The following BCAS3 variants were observed in gnomAD, a reference collection of about 807,000 sequenced individuals.
BCAS3 encodes the protein BCAS3 microtubule associated cell migration factor.
BCAS3 carries 53 observed loss-of-function variants against 116.1 expected under a neutral mutation model. The ratio of observed to expected loss-of-function variants is 0.46; its 90% CI spans 0.37 to 0.57. The LOEUF is 0.57. BCAS3 is among the 20% of genes least tolerant of loss of function. BCAS3 has a pLI of 0.00. For missense variants in BCAS3, 917 were observed against 1,165.4 expected (o/e 0.79, Z 3.10); for synonymous variants, 391 against 408.2 (o/e 0.96, Z 0.51).
Position 61,229,197 on chromosome 17 carries a change from G to A in BCAS3, c.2426-139130G>A, listed in dbSNP as rs1467059914. Among the ~76,000 whole-genome samples, 1 of 152,198 alleles carries A rather than the reference G, an allele frequency of 6.6e-6. No individual in the cohort carries two copies. Among genetic ancestry groups the A allele is most frequent in the Admixed American group, 6.5e-5 (1 of 15,276 alleles). ...CCTGGCCACCACCACATTCCTTTAA[G>A]CCAAAGCCTAATCCAGAGCAAGGCC... On this transcript the variant is annotated intron_variant, in intron 22 of 23. Coordinates refer to ENST00000407086, the MANE Select transcript of BCAS3 (RefSeq NM_017679.5). The surrounding 1 kb of genome is among the most constrained non-coding windows in gnomAD (Gnocchi z 4.4).
intron 7 of BCAS3, among the ~76,000 whole-genome samples, chr17:60,817,897 C>T (rs935872009): frequency 4.0e-5 from 6 of 151,036 alleles, no homozygotes; most frequent in African/African-American, 1.5e-4. Context: ...CTCTGTCACC[C>T]AGGCTGGAGT....
rs766416138 is a variant in BCAS3, at chr17:60,889,685, A to T, written c.662-10A>T. On this transcript the variant is annotated splice_polypyrimidine_tract_variant and intron_variant, in intron 9 of 23. Transcript: ENST00000407086. ...GAAATTTCTCAATAGTGCCATTTGA[A>T]ATTTTTCAGGCTGCTATCCATGTCC... The T allele has an allele frequency of 6.8e-6, 11 of 1,611,034 alleles. No individual in the cohort carries two copies. The South Asian group carries it at 1.2e-4, about 18-fold the overall frequency.
At chr17:61,340,189 A>C (rs2057037018) in intron 22 of BCAS3, among the ~76,000 whole-genome samples, 1 of 151,918 alleles carries the variant, frequency 6.6e-6, no homozygotes, top group Non-Finnish European at 1.5e-5. Flanking sequence ...CTAGAAGAGG[A>C]AATGAGGTCA....
intron 22 of BCAS3, among the ~76,000 whole-genome samples, chr17:61,168,831 T>G (rs1210133560): frequency 6.6e-6 from 1 of 152,246 alleles, no homozygotes; most frequent in Non-Finnish European, 1.5e-5. Context: ...GAATGACTTA[T>G]GTTCACCTCA....
intron 7 of BCAS3, among the ~76,000 whole-genome samples, chr17:60,834,169 C>T (rs2051177044): frequency 6.6e-6 from 1 of 151,830 alleles, no homozygotes; most frequent in African/African-American, 2.4e-5. Context: ...TTTTATGGTA[C>T]AAGAGGAATA....
At chr17:60,947,061 G>A (rs2060541426) in intron 13 of BCAS3, among the ~76,000 whole-genome samples, 158 bp from the exon 14 acceptor site, 1 of 152,122 alleles carries the variant, frequency 6.6e-6, no homozygotes, top group Non-Finnish European at 1.5e-5. Context: ...GTATTCACAT[G>A]AAAAAGATAT....
At position 61,378,176 on chromosome 17, in the gene BCAS3, C is replaced by T. The variant is rs2059423528; in HGVS notation, c.2593+9682C>T. ...GACCTCCCACCCCTTCTGCAGTAAC[C>T]TCTGCATATTTCACCTCCTCCACCT... On this transcript the variant is annotated intron_variant, in intron 23 of 23. Coordinates refer to ENST00000407086, the MANE Select transcript of BCAS3 (RefSeq NM_017679.5). This position sits in a 1 kb window ranked among gnomAD's most constrained non-coding sequence, Gnocchi z 5.8. The T allele has an allele frequency of 6.6e-6, 1 of 152,288 alleles. No homozygotes were observed. Among genetic ancestry groups the T allele is most frequent in the Admixed American group, 6.5e-5 (1 of 15,274 alleles). 9.4% of individuals were successfully genotyped at this position (152,288 alleles called of 1,614,324 possible). A position where few individuals can be genotyped will look rare whatever the true frequency, so the allele number is the denominator to read the frequency against.
intron 3 of BCAS3, among the ~76,000 whole-genome samples, chr17:60,685,305 C>T (rs1308627647): frequency 2.0e-5 from 3 of 151,854 alleles, no homozygotes; most frequent in South Asian, 2.1e-4. Context: ...AAAAATTAGC[C>T]GGGTGTGGTG....
At chr17:61,147,097 CAG>C (rs1314697292) in intron 22 of BCAS3, among the ~76,000 whole-genome samples, 1 of 151,074 alleles carries the variant, frequency 6.6e-6, no homozygotes, top group Non-Finnish European at 1.5e-5. Flanking sequence ...TTTTTTGAGA[CAG>C]AGTCTCACTC....
At chr17:61,295,485 G>C (rs2052804799) in intron 22 of BCAS3, among the ~76,000 whole-genome samples, 1 of 152,184 alleles carries the variant, frequency 6.6e-6, no homozygotes, top group Non-Finnish European at 1.5e-5. Context: ...CTGTCTCTCT[G>C]TCTCTGCCAG....
intron 22 of BCAS3, among the ~76,000 whole-genome samples, chr17:61,275,472 TG>T (rs1287914698): frequency 6.6e-6 from 1 of 151,956 alleles, no homozygotes; most frequent in Non-Finnish European, 1.5e-5. Flanking sequence ...GAAAGCTCAG[TG>T]TTTAGCGGCA....
At position 61,080,608 on chromosome 17, in the gene BCAS3, A is replaced by C. The variant is rs184103835; in HGVS notation, c.2327+2079A>C. On this transcript the variant is annotated intron_variant, in intron 21 of 23. Transcript: ENST00000407086. The stretch of plus-strand genomic sequence containing the variant: ...ACCAAAAAAATACAAAAAATACAAA[A>C]AATTAGCCGGGCATGGTGGTGCACA... Among the ~76,000 whole-genome samples, 219 of 152,138 alleles carry C rather than the reference A, an allele frequency of 1.4e-3. 1 individual carries two copies. The highest frequency in any genetic ancestry group is 4.5e-3 in the African/African-American group (188 of 41,516).
At position 60,994,159 on chromosome 17, in the gene BCAS3, A is replaced by G. The variant is rs899042832; in HGVS notation, c.1486+3924A>G. 4.6e-5 allele frequency among the ~76,000 whole-genome samples: 7 copies of G among 152,232 alleles called. No homozygotes were observed. In the East Asian group the frequency reaches 9.6e-4, roughly 21 times the overall value. ...CAATAGAAAATGCAGAATTACTCAT[A>G]TCACTTTATATATGAAATATATATC... is the stretch of plus-strand genomic sequence containing the variant. On this transcript the variant is annotated intron_variant, in intron 15 of 23. Transcript: ENST00000407086. This position sits in a 1 kb window ranked among gnomAD's most constrained non-coding sequence, Gnocchi z 4.4.
At chr17:61,024,747 C>A (rs2066114113) in intron 16 of BCAS3, among the ~76,000 whole-genome samples, 1 of 151,808 alleles carries the variant, frequency 6.6e-6, no homozygotes, top group African/African-American at 2.4e-5. Context: ...ACTGGCTCTA[C>A]AGGTAGGGAA....
At chr17:61,209,391 A>C (rs2081328401) in intron 22 of BCAS3, among the ~76,000 whole-genome samples, 1 of 152,318 alleles carries the variant, frequency 6.6e-6, no homozygotes, top group South Asian at 2.1e-4. Flanking sequence ...AATGTATTTG[A>C]CTACTCTACT....
intron 22 of BCAS3, among the ~76,000 whole-genome samples, chr17:61,121,840 C>T (rs900865034): frequency 1.3e-5 from 2 of 152,186 alleles, no homozygotes; most frequent in Non-Finnish European, 2.9e-5. Flanking sequence ...AAGCAGTTCT[C>T]TGCCTCAGCC....
chr17:60,834,569 A>G (rs2051206125), intron 7 of BCAS3, among the ~76,000 whole-genome samples: 1 of 152,054 alleles, frequency 6.6e-6, no homozygotes. Context: ...AAGTTTTAAG[A>G]TGATACTAGA....
At chr17:60,925,639 A>G (rs1160335120) in intron 13 of BCAS3, among the ~76,000 whole-genome samples, 1 of 152,142 alleles carries the variant, frequency 6.6e-6, no homozygotes, top group Non-Finnish European at 1.5e-5. Context: ...TTCTATAGAA[A>G]ACGTTTTCTC....
In BCAS3 at chr17:61,141,483, A is replaced by G. The variant is rs554266137; in HGVS notation, c.2425+56919A>G. 6.6e-6 allele frequency among the ~76,000 whole-genome samples: 1 copy of G among 152,304 alleles called. No individual in the cohort carries two copies. The highest frequency in any genetic ancestry group is 1.9e-4 in the East Asian group (1 of 5,182). ...TGAGGTGGAAGGATTCCTTGAGTCC[A>G]GGAGTTCGAGACTGCAGTGAGTTAT... On this transcript the variant is annotated intron_variant, in intron 22 of 23. Coordinates refer to ENST00000407086, the MANE Select transcript of BCAS3 (RefSeq NM_017679.5). The surrounding 1 kb of genome is among the most constrained non-coding windows in gnomAD (Gnocchi z 4.3).
Sources: gnomAD v4.1 joint callset for allele counts (sites outside exome capture counted in the v4.1 genomes callset) on GRCh38, gnomAD v4.1.1 for gene constraint, Gnocchi (gnomAD v3.1) non-coding constraint, MANE v1.5 for transcripts, NCBI Gene and HGNC (gene_info 2026-07-23, HGNC 2026-07-21) for gene names.